The following NPHP3 variants were observed in gnomAD, a reference collection of about 807,000 sequenced individuals.
NPHP3 encodes nephrocystin-3.
NPHP3 carries 123 observed loss-of-function variants against 171.9 expected under a neutral mutation model. The ratio of observed to expected loss-of-function variants is 0.72; its 90% CI spans 0.62 to 0.83. The LOEUF (loss-of-function observed/expected upper bound fraction) is 0.83. Among genes scored for constraint, NPHP3 ranks in the 40% least tolerant of loss-of-function variants. The pLI, the probability that NPHP3 is intolerant of heterozygous loss-of-function variation, is 0.00. For missense variants in NPHP3, 1,506 were observed against 1,591.9 expected, an observed-to-expected ratio of 0.95 and a Z score of 0.92; for synonymous variants, 558 against 579.2, an observed-to-expected ratio of 0.96 and a Z score of 0.52.
At chr3:132,703,690 C>T (rs993271153) in intron 9 of NPHP3, among the ~76,000 whole-genome samples, 5 of 151,866 alleles carry the variant, frequency 3.3e-5, no homozygotes, top group Non-Finnish European at 7.4e-5. Context: ...ATTGATCCTC[C>T]CACCTCAGCC....
chr3:132,694,861 A>G lies in NPHP3; in HGVS notation c.2276T>C (p.Met759Thr). Reference protein sequence around the residue: ...RLVLHSIRESMANDVDKELMK... With the variant: ...RLVLHSIRESTANDVDKELMK... ...TAGCTCTTTATCCACATCATTTGCC[A>G]TGGACTCCCGGATAGAGTGCAGAAC... Residue 759 changes from methionine to threonine, a missense_variant, in exon 16 of 27, where the codon ATG becomes ACG. This residue lies in a region of NPHP3 where 930 missense variants were observed against 924.9 expected (regional missense o/e 1.01). Coordinates refer to ENST00000337331, the MANE Select transcript of NPHP3 (RefSeq NM_153240.5). 6.2e-7 allele frequency: 1 copy of G among 1,613,708 alleles called. No individual in the cohort carries two copies. The highest frequency in any genetic ancestry group is 8.5e-7 in the Non-Finnish European group (1 of 1,179,920).
intron 2 of NPHP3, among the ~76,000 whole-genome samples, 173 bp downstream of exon 2, chr3:132,719,530 CAA>C (rs1940146533): frequency 6.6e-6 from 1 of 152,122 alleles, no homozygotes; most frequent in Non-Finnish European, 1.5e-5. Flanking sequence ...GAAATGATCT[CAA>C]GTTTACCACG....
intron 3 of NPHP3, chr3:132,718,057 A>AT (rs35348816): frequency 2.2e-6 from 1 of 453,146 alleles, no homozygotes; most frequent in Non-Finnish European, 4.4e-6. Context: ...CCCGGCCTTC[A>AT]TTTTTTTTCC....
At position 132,697,288 on chromosome 3, in the gene NPHP3, G is replaced by A. The variant is rs1017195284; in HGVS notation, c.2060C>T (p.Ser687Phe). The part of the protein sequence containing the change: ...AKSIIIAECH[S>F]VDIKLSKEQE... Reference sequence around the variant, plus strand: ...CTCTTTACTCAATTTAATGTCTACAGAGTGGCATTCTGCAATTATAATAGA... The same window carrying A: ...CTCTTTACTCAATTTAATGTCTACAAAGTGGCATTCTGCAATTATAATAGA... Residue 687 changes from serine (S) to phenylalanine (F), a missense_variant, in exon 14 of 27, where the codon TCT (serine) becomes TTT (phenylalanine). Physicochemically the swap from Ser to Phe is radical, Grantham distance 155 (BLOSUM62 -2). Coordinates refer to ENST00000337331, the MANE Select transcript of NPHP3 (RefSeq NM_153240.5). 2 of 1,610,924 alleles carry A rather than the reference G, an allele frequency of 1.2e-6. No individual in the cohort carries two copies. Among genetic ancestry groups the A allele is most frequent in the African/African-American group, 2.7e-5 (2 of 74,872 alleles).
intron 8 of NPHP3, 143 bp from the exon 9 acceptor site, chr3:132,704,514 A>G: frequency 1.5e-6 from 1 of 682,594 alleles, no homozygotes; most frequent in Non-Finnish European, 2.6e-6. Context: ...CTACAAGAAT[A>G]AACTGATAAC....
intron 23 of NPHP3, 149 bp from the exon 24 acceptor site, chr3:132,684,943 T>G: frequency 1.1e-6 from 1 of 894,400 alleles, no homozygotes; most frequent in Non-Finnish European, 1.7e-6. Context: ...TTTCCCCCTC[T>G]TCCCCACCCC....
chr3:132,708,254 A>C lies in NPHP3; in HGVS notation c.1122T>G (p.Leu374=). 2.5e-6 allele frequency: 4 copies of C among 1,613,954 alleles called. No homozygotes were observed. Among genetic ancestry groups the C allele is most frequent in the Non-Finnish European group, 3.4e-6 (4 of 1,179,978 alleles). Residue 374 remains leucine (L), a synonymous_variant, in exon 7 of 27, where the codon CTT becomes CTG. Coordinates refer to ENST00000337331, the MANE Select transcript of NPHP3 (RefSeq NM_153240.5). ...ILFIHLTLPS[L]LLEDCEEAFL... ...AAGCTTCTTCACAGTCTTCCAATAAAAGGCTAGATTGGAAATCAGCATTTT... is the reference window on the plus strand; with the variant it reads ...AAGCTTCTTCACAGTCTTCCAATAACAGGCTAGATTGGAAATCAGCATTTT...
intron 6 of NPHP3, chr3:132,712,566 A>G (rs892363157): frequency 2.3e-6 from 1 of 440,142 alleles, no homozygotes; most frequent in Non-Finnish European, 4.5e-6. Context: ...GGAGATTGAG[A>G]CCATCCTGGC....
chr3:132,711,068 A>T (rs994472428), intron 6 of NPHP3, among the ~76,000 whole-genome samples: 4 of 152,220 alleles, frequency 2.6e-5, no homozygotes, highest in Non-Finnish European at 5.9e-5. Flanking sequence ...CACAGGGAAT[A>T]ATTATTGACA....
chr3:132,684,497 T>C (rs1021893589), intron 24 of NPHP3, 57 bp downstream of exon 24: 35 of 1,586,352 alleles, frequency 2.2e-5, no homozygotes, highest in Non-Finnish European at 2.9e-5. Context: ...TTGCTGATAG[T>C]AGTTATGGCT....
chr3:132,721,672 C>T (rs1431753094), intron 1 of NPHP3: 1 of 590,682 alleles, frequency 1.7e-6, no homozygotes, highest in Non-Finnish European at 3.1e-6. Flanking sequence ...CGCGGTGGCT[C>T]ACTCCTGTAA....
intron 7 of NPHP3, among the ~76,000 whole-genome samples, chr3:132,706,218 G>A (rs1939746229): frequency 6.6e-6 from 1 of 151,938 alleles, no homozygotes; most frequent in Non-Finnish European, 1.5e-5. Context: ...AATTAGCCGG[G>A]CGTGGTGGCC....
chr3:132,702,512 C>T (rs928302341), intron 9 of NPHP3, among the ~76,000 whole-genome samples: 15 of 152,264 alleles, frequency 9.9e-5, no homozygotes, highest in African/African-American at 3.6e-4. Context: ...TATCTTAGTA[C>T]TTATTAAGGA....
intron 22 of NPHP3, among the ~76,000 whole-genome samples, 153 bp from the exon 23 acceptor site, chr3:132,686,540 TAC>T (rs1344131197): frequency 6.6e-6 from 1 of 152,242 alleles, no homozygotes; most frequent in Non-Finnish European, 1.5e-5. Context: ...ACTTGATGAT[TAC>T]AAATACAAAT....
intron 9 of NPHP3, 42 bp downstream of exon 9, chr3:132,704,156 G>C (rs748822826): frequency 6.4e-7 from 1 of 1,558,010 alleles, no homozygotes; most frequent in Non-Finnish European, 8.9e-7. Flanking sequence ...CAGCCTTTAA[G>C]TGGTGACAGA....
At chr3:132,695,116 T>G in intron 15 of NPHP3, 151 bp from the exon 16 acceptor site, 1 of 695,986 alleles carries the variant, frequency 1.4e-6, no homozygotes. Flanking sequence ...GGTAGTTTTA[T>G]GGGGCTGCTA....
In NPHP3 at chr3:132,684,808, C is replaced by A; in HGVS notation, c.3330-14G>T. ...TGGTCAGCTGTTCTGTGAACACAATCCCAAAATGGCTTAAACTATCTATTT... is the reference window on the plus strand; with the variant it reads ...TGGTCAGCTGTTCTGTGAACACAATACCAAAATGGCTTAAACTATCTATTT... On this transcript the variant is annotated splice_polypyrimidine_tract_variant and intron_variant, in intron 23 of 26. Transcript: ENST00000337331. 1 of 1,611,606 alleles carries A rather than the reference C, an allele frequency of 6.2e-7. No homozygotes were observed. The highest frequency in any genetic ancestry group is 1.1e-5 in the South Asian group (1 of 91,006).
chr3:132,721,500 T>C (rs1940216771), intron 1 of NPHP3: 1 of 237,076 alleles, frequency 4.2e-6, no homozygotes, highest in Non-Finnish European at 8.7e-6. Context: ...CTAGGAAGAG[T>C]TTGCTGAGTT....
Position 132,708,142 on chromosome 3 carries a change from TCAA to T in NPHP3, c.1231_1233del (p.Leu411del). On this transcript the variant is annotated inframe_deletion, in exon 7 of 27. Coordinates refer to ENST00000337331, the MANE Select transcript of NPHP3 (RefSeq NM_153240.5). Reference sequence around the variant, plus strand: ...TTGTTTAGATTAGAAACTTGATCAATCAATTGCTGGACAGAGTCAGAACTGACT... The same window carrying T: ...TTGTTTAGATTAGAAACTTGATCAATTTGCTGGACAGAGTCAGAACTGACT... 1 of 1,614,230 alleles carries T rather than the reference TCAA, an allele frequency of 6.2e-7. No homozygotes were observed.
Sources: allele counts gnomAD v4.1 joint callset (sites outside exome capture counted in the v4.1 genomes callset), GRCh38; gene constraint gnomAD v4.1.1; regional missense constraint gnomAD v4.1.1; transcripts MANE v1.5; gene names NCBI Gene and HGNC (gene_info 2026-07-23, HGNC 2026-07-21).